The following DCDC1 variants were observed in gnomAD, a reference collection of about 807,000 sequenced individuals.
The protein encoded by DCDC1 is doublecortin domain containing 1, also known as doublecortin domain-containing protein 1.
Under a neutral mutation model 178.3 loss-of-function variants are expected in DCDC1, and 200 were observed. The ratio of observed to expected loss-of-function variants is 1.12; its 90% confidence interval spans 1.00 to 1.26. DCDC1 has a LOEUF of 1.26. Ranked by LOEUF, DCDC1 falls within the 50% of genes most tolerant of loss-of-function variation. The probability of loss-of-function intolerance (pLI) is 0.00; values close to 1 mark genes in which losing one functional copy is unlikely to be tolerated. For synonymous variants in DCDC1, 690 were observed against 604.8 expected (o/e 1.14, Z -2.07); for missense variants, 1,983 against 1,749.2 (o/e 1.13, Z -2.38).
At chr11:31,176,950 A>T (rs1968118324) in intron 9 of DCDC1, among the ~76,000 whole-genome samples, 1 of 152,134 alleles carries the variant, frequency 6.6e-6, no homozygotes, top group African/African-American at 2.4e-5. Flanking sequence ...TCATGAAAAC[A>T]TGTGAAAGTA....
chr11:31,296,835 C>T (rs1040872007), intron 6 of DCDC1, among the ~76,000 whole-genome samples: 1 of 124,536 alleles, frequency 8.0e-6, no homozygotes, highest in African/African-American at 3.2e-5. Flanking sequence ...AACTCACTCA[C>T]TATCATGAAA....
At chr11:31,292,176 T>C (rs185303974) in intron 6 of DCDC1, among the ~76,000 whole-genome samples, 9 of 152,240 alleles carry the variant, frequency 5.9e-5, no homozygotes, top group African/African-American at 1.4e-4. Flanking sequence ...TTAACAGCAA[T>C]TTGTTACTCT....
intron 20 of DCDC1, among the ~76,000 whole-genome samples, chr11:31,020,539 C>T (rs999722751): frequency 6.6e-6 from 1 of 152,200 alleles, no homozygotes. Flanking sequence ...ACTTCTCTTT[C>T]CTCATTTTCA....
intron 10 of DCDC1, among the ~76,000 whole-genome samples, chr11:31,134,485 T>C (rs2135978906): frequency 6.6e-6 from 1 of 152,288 alleles, no homozygotes; most frequent in South Asian, 2.1e-4. Flanking sequence ...CCAGGATGTT[T>C]TCACCCAACC....
chr11:31,181,118 G>A (rs1306017823), intron 9 of DCDC1, among the ~76,000 whole-genome samples: 1 of 152,156 alleles, frequency 6.6e-6, no homozygotes, highest in Non-Finnish European at 1.5e-5. Flanking sequence ...ACTGGGCAGA[G>A]GCCACTGCAG....
At chr11:31,051,958 C>T (rs1371415822) in intron 20 of DCDC1, among the ~76,000 whole-genome samples, 1 of 152,122 alleles carries the variant, frequency 6.6e-6, no homozygotes, top group African/African-American at 2.4e-5. Flanking sequence ...ACAAATTACA[C>T]AGGCAACAAT....
Position 31,177,832 on chromosome 11 carries a change from T to C in DCDC1, c.1222-40048A>G, listed in dbSNP as rs11511904. Among the ~76,000 whole-genome samples, 886 of 152,174 alleles carry C rather than the reference T, an allele frequency of 5.8e-3. 4 individuals carry two copies. The highest frequency in any genetic ancestry group is 0.01 in the Middle Eastern group (3 of 294). On this transcript the variant is annotated intron_variant, in intron 9 of 38. Transcript: ENST00000684477. ...ATTGAACAAGAAGATATAACAATTA[T>C]AAATATAAATACATCCAACACTGGA...
intron 3 of DCDC1, among the ~76,000 whole-genome samples, chr11:31,326,566 G>A (rs1949660210): frequency 6.6e-6 from 1 of 152,074 alleles, no homozygotes; most frequent in African/African-American, 2.4e-5. Flanking sequence ...AATAAGTCAT[G>A]AGTGACTTAT....
intron 11 of DCDC1, among the ~76,000 whole-genome samples, chr11:31,120,787 C>T (rs1371933299): frequency 6.6e-6 from 1 of 152,168 alleles, no homozygotes; most frequent in Non-Finnish European, 1.5e-5. Context: ...AATTCTCTGT[C>T]ACAATCACCC....
At chr11:31,048,695 T>C (rs182667017) in intron 20 of DCDC1, among the ~76,000 whole-genome samples, 232 of 151,592 alleles carry the variant, frequency 1.5e-3, no homozygotes, top group Non-Finnish European at 2.5e-3. Context: ...CTACTAAAAA[T>C]ATAAAAAAAA....
chr11:31,211,024 G>A (rs1008171678), intron 9 of DCDC1, among the ~76,000 whole-genome samples: 6 of 152,240 alleles, frequency 3.9e-5, no homozygotes, highest in Middle Eastern at 3.4e-3. Flanking sequence ...TTTGCAAGAG[G>A]CCAAACTTAC....
At chr11:31,238,164 A>C (rs1445659495) in intron 9 of DCDC1, among the ~76,000 whole-genome samples, 2 of 152,096 alleles carry the variant, frequency 1.3e-5, no homozygotes, top group African/African-American at 2.4e-5. Context: ...GGGAAATTCA[A>C]ACTTGGGAAG....
At chr11:31,073,395 A>C (rs530223782) in intron 18 of DCDC1, among the ~76,000 whole-genome samples, 1 of 152,144 alleles carries the variant, frequency 6.6e-6, no homozygotes, top group Non-Finnish European at 1.5e-5. Flanking sequence ...GGGAAAAAAA[A>C]TGAGAAAGTA....
At chr11:31,081,607 T>C (rs1957177487) in intron 17 of DCDC1, among the ~76,000 whole-genome samples, 1 of 150,202 alleles carries the variant, frequency 6.7e-6, no homozygotes, top group Non-Finnish European at 1.5e-5. Context: ...TGAAACTCCA[T>C]CTCAAAAAAA....
chr11:31,032,613 A>G (rs1462425221), intron 20 of DCDC1, among the ~76,000 whole-genome samples: 1 of 152,172 alleles, frequency 6.6e-6, no homozygotes, highest in African/African-American at 2.4e-5. Context: ...GAAAATGGAA[A>G]CTGAAGGTGT....
chr11:30,942,498 C>G (rs976068911), intron 21 of DCDC1, among the ~76,000 whole-genome samples: 46 of 152,108 alleles, frequency 3.0e-4, no homozygotes, highest in African/African-American at 1.1e-3. Context: ...TCTTTCTGAA[C>G]CATGGCAGGG....
At chr11:31,048,583 G>A (rs1323361420) in intron 20 of DCDC1, among the ~76,000 whole-genome samples, 1 of 152,148 alleles carries the variant, frequency 6.6e-6, no homozygotes, top group East Asian at 1.9e-4. Flanking sequence ...GCTGGGCGCG[G>A]TGGCTCATGC....
intron 17 of DCDC1, among the ~76,000 whole-genome samples, chr11:31,087,960 C>A (rs1957579785): frequency 6.6e-6 from 1 of 152,008 alleles, no homozygotes; most frequent in Admixed American, 6.6e-5. Flanking sequence ...TTTTTCCTGG[C>A]AATTCTATCA....
intron 9 of DCDC1, among the ~76,000 whole-genome samples, chr11:31,144,699 T>C (rs907034751): frequency 6.6e-6 from 1 of 152,176 alleles, no homozygotes; most frequent in Non-Finnish European, 1.5e-5. Flanking sequence ...TTGCTATATG[T>C]ATTTTTTCTT....
Sources: allele counts gnomAD v4.1 joint callset (sites outside exome capture counted in the v4.1 genomes callset), GRCh38; gene constraint gnomAD v4.1.1; transcripts MANE v1.5; gene names NCBI Gene and HGNC (gene_info 2026-07-23, HGNC 2026-07-21).